The following CPAMD8 variants were observed in gnomAD, a reference collection of about 807,000 sequenced individuals.
CPAMD8 encodes C3 and PZP-like alpha-2-macroglobulin domain-containing protein 8.
In CPAMD8, 146 loss-of-function variants were observed where a neutral mutation model predicts 224.7. The ratio of observed to expected loss-of-function variants is 0.65; its 90% confidence interval spans 0.57 to 0.75. The LOEUF (loss-of-function observed/expected upper bound fraction) is 0.75. Ranked by LOEUF, CPAMD8 falls within the 30% of genes least tolerant of loss-of-function variation. The probability of loss-of-function intolerance (pLI) is 0.00; values close to 1 mark genes in which losing one functional copy is unlikely to be tolerated. For missense variants in CPAMD8, 2,301 were observed against 2,537.5 expected (o/e 0.91, Z 2.00); for synonymous variants, 966 against 1,044.6 (o/e 0.92, Z 1.45).
At chr19:16,893,471 C>T (rs2051839238) in intron 41 of CPAMD8, 132 bp from the exon 42 acceptor site, 1 of 621,302 alleles carries the variant, frequency 1.6e-6, no homozygotes. Context: ...AGGGCAGCCT[C>T]AGACCTTGAT....
chr19:17,020,658 G>C (rs2056930418), intron 2 of CPAMD8, among the ~76,000 whole-genome samples: 2 of 152,138 alleles, frequency 1.3e-5, no homozygotes, highest in South Asian at 4.1e-4. Flanking sequence ...TAAGCTGTGA[G>C]GGGAGTAATG....
rs184531319 is a variant in CPAMD8, at chr19:16,990,575, A to G, written c.1267-804T>C. ...CCGTATCTCTGAAATAATTTTAAAA[A>G]GAAGTTGGGCCAGGCGCGATGGCTC... On this transcript the variant is annotated intron_variant, in intron 12 of 41. Transcript: ENST00000443236. 5.0e-3 allele frequency among the ~76,000 whole-genome samples: 765 copies of G among 152,188 alleles called. 3 individuals carry two copies. Among genetic ancestry groups the G allele is most frequent in the Non-Finnish European group, 8.2e-3 (557 of 67,998 alleles).
chr19:16,896,136 A>C lies in CPAMD8; in HGVS notation c.5426+40T>G, dbSNP rs2227368. Reference sequence around the variant, plus strand: ...AGGGGAGGGAGGTGGGGAGATATTGAGCCTATGTCTCTTATCTCTGGGGTG... The same window carrying C: ...AGGGGAGGGAGGTGGGGAGATATTGCGCCTATGTCTCTTATCTCTGGGGTG... On this transcript the variant is annotated intron_variant, in intron 41 of 41. Transcript: ENST00000443236. 4.7e-3 allele frequency: 7,624 copies of C among 1,607,440 alleles called. 331 individuals are homozygous for C. In the African/African-American group the frequency reaches 0.087, roughly 18 times the overall value.
intron 13 of CPAMD8, among the ~76,000 whole-genome samples, chr19:16,983,004 A>G (rs1426454260): frequency 6.6e-6 from 1 of 152,116 alleles, no homozygotes; most frequent in African/African-American, 2.4e-5. Flanking sequence ...TTTCCTTTTC[A>G]CTTGGTTCCC....
intron 18 of CPAMD8, among the ~76,000 whole-genome samples, chr19:16,958,986 A>G (rs1436070825): frequency 2.6e-5 from 4 of 151,550 alleles, no homozygotes; most frequent in Non-Finnish European, 5.9e-5. Flanking sequence ...TTTAGTAGAG[A>G]CGCAGTTTCA....
chr19:16,983,857 A>C (rs1237084659), intron 13 of CPAMD8, among the ~76,000 whole-genome samples: 1 of 152,172 alleles, frequency 6.6e-6, no homozygotes, highest in African/African-American at 2.4e-5. Flanking sequence ...CAGAAATGGA[A>C]CTGATCTTAA....
intron 18 of CPAMD8, among the ~76,000 whole-genome samples, chr19:16,960,431 T>C (rs1254657151): frequency 6.6e-6 from 1 of 150,496 alleles, no homozygotes; most frequent in East Asian, 1.9e-4. Context: ...AGTATATTCA[T>C]TGGTGGACTA....
chr19:16,893,508 C>T, intron 41 of CPAMD8, 169 bp from the exon 42 acceptor site: 1 of 580,470 alleles, frequency 1.7e-6, no homozygotes, highest in South Asian at 2.2e-5. Flanking sequence ...GGCCTCCGTG[C>T]TGGCAGAGAT....
intron 18 of CPAMD8, among the ~76,000 whole-genome samples, chr19:16,968,898 A>C (rs748458398): frequency 1.3e-5 from 2 of 152,178 alleles, no homozygotes; most frequent in Non-Finnish European, 2.9e-5. Flanking sequence ...TTGGCCTTCC[A>C]AAGTGCTGGG....
At chr19:16,914,323 G>T in intron 29 of CPAMD8, 101 bp downstream of exon 29, 1 of 895,044 alleles carries the variant, frequency 1.1e-6, no homozygotes, top group Admixed American at 1.9e-5. Context: ...AGCAGAAGGA[G>T]GGCAGGGAGG....
rs201698079 is a variant in CPAMD8, at chr19:16,989,618, G to C, written c.1395+25C>G. 255 of 1,610,490 alleles carry C rather than the reference G, an allele frequency of 1.6e-4. No individual in the cohort carries two copies. In the African/African-American group the frequency reaches 2.9e-3, roughly 18 times the overall value. On this transcript the variant is annotated intron_variant, in intron 13 of 41. Transcript: ENST00000443236. The stretch of plus-strand genomic sequence containing the variant: ...GCTTTTTGGATCCCGCATGGCCCAG[G>C]AAGGGTAGCTCCTGAAAATCTTACC...
At chr19:16,904,756 T>C (rs2144751863) in intron 30 of CPAMD8, among the ~76,000 whole-genome samples, 1 of 152,360 alleles carries the variant, frequency 6.6e-6, no homozygotes, top group South Asian at 2.1e-4. Flanking sequence ...CAGCCCTTCC[T>C]GTGCCCCTGG....
At chr19:16,895,593 T>TAAGG in intron 41 of CPAMD8, 1 of 311,166 alleles carries the variant, frequency 3.2e-6, no homozygotes, top group Non-Finnish European at 6.4e-6. Flanking sequence ...TTGTTGACTA[T>TAAGG]GGTTGAGATT....
chr19:16,966,783 A>G (rs1179897924), intron 18 of CPAMD8, among the ~76,000 whole-genome samples: 1 of 152,240 alleles, frequency 6.6e-6, no homozygotes, highest in Non-Finnish European at 1.5e-5. Context: ...TCAAAACCAC[A>G]ATGAGATACC....
At chr19:16,937,294 C>A (rs1462547000) in intron 23 of CPAMD8, among the ~76,000 whole-genome samples, 4 of 152,044 alleles carry the variant, frequency 2.6e-5, no homozygotes, top group African/African-American at 9.7e-5. Flanking sequence ...ACCACCACGT[C>A]TGGCTAAGTT....
chr19:16,944,390 G>C (rs146318921), intron 22 of CPAMD8, among the ~76,000 whole-genome samples: 1 of 152,162 alleles, frequency 6.6e-6, no homozygotes, highest in South Asian at 2.1e-4. Context: ...ACAGTTCTGC[G>C]GCATGGATGG....
Position 16,898,318 on chromosome 19 carries a change from G to C in CPAMD8, c.4849-324C>G, listed in dbSNP as rs1568447418. On this transcript the variant is annotated intron_variant, in intron 37 of 41. Coordinates refer to ENST00000443236, the MANE Select transcript of CPAMD8 (RefSeq NM_015692.5). The surrounding 1 kb of genome is among the most constrained non-coding windows in gnomAD (Gnocchi z 4.2). ...CACCACCGCACCCTGCTAATTTTTT[G>C]TATTTTTGATCAAGACGGAGTTTCA... Among the ~76,000 whole-genome samples the C allele has an allele frequency of 6.6e-6, 1 of 151,364 alleles. No individual in the cohort carries two copies. Among genetic ancestry groups the C allele is most frequent in the Non-Finnish European group, 1.5e-5 (1 of 67,888 alleles).
intron 18 of CPAMD8, among the ~76,000 whole-genome samples, chr19:16,958,848 G>A (rs2054558378): frequency 6.8e-6 from 1 of 147,000 alleles, no homozygotes; most frequent in Non-Finnish European, 1.5e-5. Context: ...CACCCAGGCT[G>A]GAGTGCAATG....
Position 16,898,649 on chromosome 19 carries a change from A to C in CPAMD8, c.4849-655T>G, listed in dbSNP as rs1179579193. Among the ~76,000 whole-genome samples, 1 of 151,534 alleles carries C rather than the reference A, an allele frequency of 6.6e-6. No individual in the cohort carries two copies. Among genetic ancestry groups the C allele is most frequent in the Non-Finnish European group, 1.5e-5 (1 of 67,906 alleles). On this transcript the variant is annotated intron_variant, in intron 37 of 41. Transcript: ENST00000443236. This position sits in a 1 kb window ranked among gnomAD's most constrained non-coding sequence, Gnocchi z 4.2. The stretch of plus-strand genomic sequence containing the variant: ...CCCCTGGCAACCACAAATCTTTCCA[A>C]CTCTACGGATTTGCCTGTTCTGGGC...
Sources: allele counts gnomAD v4.1 joint callset (sites outside exome capture counted in the v4.1 genomes callset), GRCh38; gene constraint gnomAD v4.1.1; non-coding constraint Gnocchi (gnomAD v3.1); transcripts MANE v1.5; gene names NCBI Gene and HGNC (gene_info 2026-07-23, HGNC 2026-07-21).